LEMD3: variants seen among roughly 807,000 people sequenced by gnomAD.
The protein encoded by LEMD3 is inner nuclear membrane protein Man1.
Under a neutral mutation model 95.2 loss-of-function variants are expected in LEMD3, and 33 were observed. The ratio of observed to expected loss-of-function variants is 0.35; its 90% CI spans 0.26 to 0.46. The LOEUF (loss-of-function observed/expected upper bound fraction) is 0.46, where lower values mean the gene tolerates loss of function less well. LEMD3 is among the 20% of genes least tolerant of loss of function. LEMD3 has a pLI of 1.00. For synonymous variants in LEMD3, 525 were observed against 474.6 expected (o/e 1.11, Z -1.38); for missense variants, 1,210 against 1,192.8 (o/e 1.01, Z -0.21).
chr12:65,193,776 T>TGTGTGTGTGTGTGTGTGTG (rs1869322997), intron 1 of LEMD3, among the ~76,000 whole-genome samples: 5 of 46,718 alleles, frequency 1.1e-4, no homozygotes, highest in African/African-American at 3.5e-4. Context: ...GTGTGTGTGT[T>TGTGTGTGTGTGTGTGTGTG]GGGGGAGGGG....
intron 1 of LEMD3, among the ~76,000 whole-genome samples, chr12:65,174,262 G>A (rs1868643427): frequency 6.6e-6 from 1 of 151,942 alleles, no homozygotes; most frequent in Admixed American, 6.6e-5. Context: ...TATAAAACTA[G>A]GGGGTTGGAT....
intron 4 of LEMD3, among the ~76,000 whole-genome samples, chr12:65,228,444 G>A (rs1302959969): frequency 1.3e-5 from 2 of 150,242 alleles, no homozygotes; most frequent in Non-Finnish European, 3.0e-5. Context: ...TGCCCAGGCT[G>A]GAGTGCAGTG....
intron 1 of LEMD3, among the ~76,000 whole-genome samples, chr12:65,178,887 A>G (rs1197875827): frequency 2.6e-5 from 4 of 152,364 alleles, no homozygotes; most frequent in East Asian, 3.9e-4. Context: ...TGTGACAAGT[A>G]TAGATTCATA....
chr12:65,218,233 A>G (rs981757159), intron 3 of LEMD3, among the ~76,000 whole-genome samples: 2 of 152,204 alleles, frequency 1.3e-5, no homozygotes, highest in South Asian at 2.1e-4. Flanking sequence ...TCAGTGTGAC[A>G]TAGTTCCTAT....
chr12:65,187,443 ACT>A (rs1869101938), intron 1 of LEMD3, among the ~76,000 whole-genome samples: 1 of 152,002 alleles, frequency 6.6e-6, no homozygotes, highest in Non-Finnish European at 1.5e-5. Context: ...AGGTTAAGAA[ACT>A]CATCCAAAGT....
At chr12:65,202,129 G>A (rs370558778) in intron 1 of LEMD3, among the ~76,000 whole-genome samples, 1 of 150,708 alleles carries the variant, frequency 6.6e-6, no homozygotes, top group Non-Finnish European at 1.5e-5. Context: ...CTCCTGCTTC[G>A]AGTAGTTGGG....
intron 1 of LEMD3, among the ~76,000 whole-genome samples, chr12:65,197,676 A>C (rs990711919): frequency 6.6e-6 from 1 of 152,218 alleles, no homozygotes; most frequent in Non-Finnish European, 1.5e-5. Context: ...AGTTTTAAGC[A>C]CATTTCTCAT....
intron 3 of LEMD3, among the ~76,000 whole-genome samples, chr12:65,217,346 CTGTAATT>C (rs539394181): frequency 6.6e-6 from 1 of 152,298 alleles, no homozygotes; most frequent in South Asian, 2.1e-4. Context: ...GACCCATGGG[CTGTAATT>C]TGCAGACCTC....
At chr12:65,206,382 G>C in intron 1 of LEMD3, among the ~76,000 whole-genome samples, 1 of 152,096 alleles carries the variant, frequency 6.6e-6, no homozygotes, top group Non-Finnish European at 1.5e-5. Flanking sequence ...CCTGTCTGTA[G>C]AATTGCTGCC....
intron 1 of LEMD3, among the ~76,000 whole-genome samples, chr12:65,192,383 G>C (rs1179567290): frequency 6.6e-6 from 1 of 152,040 alleles, no homozygotes; most frequent in Non-Finnish European, 1.5e-5. Context: ...ATAGGGCACG[G>C]GTTTTGTCCT....
chr12:65,169,711 T>C lies in LEMD3; in HGVS notation c.115T>C (p.Tyr39His). ...GPVTESTRPV[Y>H]LKKLKKLREE... ...AGTGACGGAGAGCACCCGCCCGGTCTACCTCAAGAAGCTGAAGAAGCTTCG... is the reference window on the plus strand; with the variant it reads ...AGTGACGGAGAGCACCCGCCCGGTCCACCTCAAGAAGCTGAAGAAGCTTCG... The change falls in exon 1 of 13, where the codon TAC becomes CAC. Residue 39 changes from tyrosine (Y) to histidine (H), a missense_variant. Tyr to His is a moderately conservative substitution (Grantham distance 83, BLOSUM62 2). Around this residue, in one of 2 missense-constraint regions of LEMD3, gnomAD observed 749 missense variants for 622.9 expected, o/e 1.20. Coordinates refer to ENST00000308330, the MANE Select transcript of LEMD3 (RefSeq NM_014319.5). 6.3e-7 allele frequency: 1 copy of C among 1,586,850 alleles called. No individual in the cohort carries two copies. Among genetic ancestry groups the C allele is most frequent in the Non-Finnish European group, 8.6e-7 (1 of 1,166,944 alleles).
intron 2 of LEMD3, among the ~76,000 whole-genome samples, chr12:65,215,206 C>G (rs983806701): frequency 6.6e-6 from 1 of 152,178 alleles, no homozygotes; most frequent in African/African-American, 2.4e-5. Context: ...TGCCCTTGCT[C>G]AGGGTCTTTC....
At chr12:65,236,778 A>G (rs891555853) in intron 4 of LEMD3, among the ~76,000 whole-genome samples, 15 of 152,226 alleles carry the variant, frequency 9.9e-5, no homozygotes, top group African/African-American at 3.4e-4. Context: ...GATTAAAAGT[A>G]TAGAATAATC....
Position 65,241,096 on chromosome 12 carries a change from T to G in LEMD3, c.2305+9T>G. ...AGTATGGCAAGGTCAAGGTATGTAT[T>G]TTTAAACATCAAAAAAGTAATTTTC... is the stretch of plus-strand genomic sequence containing the variant. On this transcript the variant is annotated intron_variant, in intron 9 of 12. Transcript: ENST00000308330. 1 of 1,609,852 alleles carries G rather than the reference T, an allele frequency of 6.2e-7. No homozygotes were observed. The highest frequency in any genetic ancestry group is 2.2e-5 in the East Asian group (1 of 44,814).
At chr12:65,176,017 A>G (rs1319267946) in intron 1 of LEMD3, among the ~76,000 whole-genome samples, 3 of 152,106 alleles carry the variant, frequency 2.0e-5, no homozygotes, top group African/African-American at 7.2e-5. Context: ...TGTTTCCTCT[A>G]TATCTTTTGA....
At chr12:65,217,290 T>C (rs1870139651) in intron 3 of LEMD3, among the ~76,000 whole-genome samples, 1 of 152,218 alleles carries the variant, frequency 6.6e-6, no homozygotes, top group Non-Finnish European at 1.5e-5. Context: ...AGCTTGGCTG[T>C]ATTCCAGTAA....
chr12:65,216,580 T>G (rs1451789621), intron 3 of LEMD3, among the ~76,000 whole-genome samples: 1 of 152,016 alleles, frequency 6.6e-6, no homozygotes, highest in Non-Finnish European at 1.5e-5. Context: ...GTATCAAGTT[T>G]AGCACATGTA....
chr12:65,196,367 A>G (rs960621878), intron 1 of LEMD3, among the ~76,000 whole-genome samples: 5 of 151,924 alleles, frequency 3.3e-5, no homozygotes, highest in Non-Finnish European at 2.9e-5. Context: ...TTTCTGAGGT[A>G]TTTTGGATCC....
intron 1 of LEMD3, among the ~76,000 whole-genome samples, chr12:65,199,073 A>G (rs1213404027): frequency 6.6e-6 from 1 of 152,110 alleles, no homozygotes; most frequent in Non-Finnish European, 1.5e-5. Context: ...TTCATTATTA[A>G]CTTTATAGTT....
Sources: allele counts gnomAD v4.1 joint callset (sites outside exome capture counted in the v4.1 genomes callset), GRCh38; gene constraint gnomAD v4.1.1; regional missense constraint gnomAD v4.1.1; transcripts MANE v1.5; gene names NCBI Gene and HGNC (gene_info 2026-07-23, HGNC 2026-07-21).